The following KDR variants were observed in gnomAD, a reference collection of about 807,000 sequenced individuals.
KDR encodes vascular endothelial growth factor receptor 2.
KDR carries 43 observed loss-of-function variants against 160.9 expected under a neutral mutation model. The ratio of observed to expected loss-of-function variants is 0.27; its 90% CI spans 0.21 to 0.34. The LOEUF (loss-of-function observed/expected upper bound fraction) is 0.34, where lower values mean the gene tolerates loss of function less well. Ranked by LOEUF, KDR falls within the 10% of genes least tolerant of loss-of-function variation. KDR has a pLI of 1.00. For missense variants in KDR, 1,469 were observed against 1,666.4 expected (o/e 0.88, Z 2.06); for synonymous variants, 617 against 600.1 (o/e 1.03, Z -0.41).
In KDR at chr4:55,078,623, C is replaced by T. The variant is rs1719640731; in HGVS notation, c.*1318G>A. ...AGGCTTTAATATATTACATTTGTTTCTACATAAACAGACTATAAATATATG... is the reference window on the plus strand; with the variant it reads ...AGGCTTTAATATATTACATTTGTTTTTACATAAACAGACTATAAATATATG... On this transcript the variant is annotated 3_prime_UTR_variant, in exon 30 of 30. Coordinates refer to ENST00000263923, the MANE Select transcript of KDR (RefSeq NM_002253.4). The T allele has an allele frequency of 4.3e-6, 1 of 232,358 alleles. No homozygotes were observed. Among genetic ancestry groups the T allele is most frequent in the Admixed American group, 5.6e-5 (1 of 17,750 alleles). The allele number at this position is 232,358 out of a possible 1,614,324, so 14.4% of individuals were successfully genotyped here. A position where few individuals can be genotyped will look rare whatever the true frequency, so the allele number is the denominator to read the frequency against.
In KDR at chr4:55,125,285, G is replaced by A; in HGVS notation, c.9C>T (p.Ser3=). MQ[S]KVLLAVALWL... ...ACAGGGCGACGGCCAGCAGCACCTT[G>A]CTCTGCATCCTGCACCTCGAGCCGG... The change falls in exon 1 of 30, where the codon AGC becomes AGT. Residue 3 remains serine, a synonymous_variant. Coordinates refer to ENST00000263923, the MANE Select transcript of KDR (RefSeq NM_002253.4). 1 of 1,612,502 alleles carries A rather than the reference G, an allele frequency of 6.2e-7. No homozygotes were observed.
intron 29 of KDR, among the ~76,000 whole-genome samples, chr4:55,080,428 G>A (rs1337579482): frequency 6.6e-6 from 1 of 152,118 alleles, no homozygotes; most frequent in African/African-American, 2.4e-5. Context: ...CAGTTCTCTC[G>A]AGTTATGCAA....
chr4:55,094,717 C>CA, intron 21 of KDR, 85 bp downstream of exon 21: 1 of 1,300,188 alleles, frequency 7.7e-7, no homozygotes, highest in Non-Finnish European at 1.1e-6. Context: ...GGACTTTTCC[C>CA]ATGATCAAAT....
intron 22 of KDR, 112 bp from the exon 23 acceptor site, chr4:55,090,190 C>T: frequency 8.2e-7 from 1 of 1,225,618 alleles, no homozygotes; most frequent in Non-Finnish European, 1.2e-6. Context: ...AACTGATTAA[C>T]AAGGACTGGG....
chr4:55,106,077 T>G, intron 11 of KDR, 137 bp from the exon 12 acceptor site: 1 of 741,194 alleles, frequency 1.3e-6, no homozygotes, highest in Non-Finnish European at 2.5e-6. Context: ...CACGCTCAAA[T>G]TTATGCAATT....
chr4:55,085,794 G>T (rs1171258313), intron 27 of KDR, among the ~76,000 whole-genome samples: 1 of 152,204 alleles, frequency 6.6e-6, no homozygotes, highest in Non-Finnish European at 1.5e-5. Flanking sequence ...TGTGCTGGGA[G>T]TGTGGTGTCA....
Position 55,110,570 on chromosome 4 carries a change from T to A in KDR, c.1092-4A>T, listed in dbSNP as rs768629027. On this transcript the variant is annotated splice_polypyrimidine_tract_variant and splice_region_variant and intron_variant, in intron 8 of 29. Transcript: ENST00000263923. ...AAGGGGTATTCCATTTTTATACCTA[T>A]GAAAAAAAATTCTCAGGAATTAGTA... The A allele has an allele frequency of 6.2e-6, 10 of 1,613,604 alleles. No homozygotes were observed. Among genetic ancestry groups the A allele is most frequent in the African/African-American group, 1.3e-5 (1 of 74,860 alleles).
intron 1 of KDR, among the ~76,000 whole-genome samples, chr4:55,122,685 A>G (rs1442468867): frequency 1.3e-5 from 2 of 152,216 alleles, no homozygotes; most frequent in African/African-American, 4.8e-5. Flanking sequence ...GGTTTTTAAA[A>G]AACTGGAAAC....
At position 55,113,186 on chromosome 4, in the gene KDR, C is replaced by T. The variant is rs544207802; in HGVS notation, c.976+118G>A. 6 of 1,163,822 alleles carry T rather than the reference C, an allele frequency of 5.2e-6. No individual in the cohort carries two copies. The Admixed American group carries it at 1.1e-4, about 21-fold the overall frequency. The allele number at this position is 1,163,822 out of a possible 1,614,324, so 72.1% of individuals were successfully genotyped here. On this transcript the variant is annotated intron_variant, in intron 7 of 29. Transcript: ENST00000263923. ...CCTCTAGGTCATGTGGCCTCCCTAA[C>T]AAGAAAAACTAGAAACTATCTTCTG...
intron 6 of KDR, among the ~76,000 whole-genome samples, chr4:55,113,910 A>T (rs1720661272): frequency 6.6e-6 from 1 of 152,234 alleles, no homozygotes; most frequent in Non-Finnish European, 1.5e-5. Context: ...AGAATAGGAC[A>T]AAATTCCTGG....
intron 7 of KDR, among the ~76,000 whole-genome samples, chr4:55,113,022 A>G (rs1304276261): frequency 6.6e-6 from 1 of 152,228 alleles, no homozygotes; most frequent in South Asian, 2.1e-4. Flanking sequence ...AGCTAATACT[A>G]TTTATCATAG....
chr4:55,102,609 A>G, intron 13 of KDR, 101 bp from the exon 14 acceptor site: 1 of 1,266,968 alleles, frequency 7.9e-7, no homozygotes, highest in Non-Finnish European at 1.1e-6. Flanking sequence ...GTAAAAAGGA[A>G]CTTGTTGATA....
rs1720228274 is a variant in KDR at position 55,098,797 on chromosome 4, T to C, written c.2273A>G (p.Gln758Arg). Residue 758 changes from glutamine to arginine, a missense_variant, in exon 16 of 30, where the codon CAG becomes CGG. This residue lies in a region of KDR where 118 missense variants were observed against 110.8 expected (regional missense o/e 1.06). Coordinates refer to ENST00000263923, the MANE Select transcript of KDR (RefSeq NM_002253.4). ...AATGATTTCCAAGTTCGTCTTTTCCTGGGCACCTGGAAAGACACAATTGAA... is the reference window on the plus strand; with the variant it reads ...AATGATTTCCAAGTTCGTCTTTTCCCGGGCACCTGGAAAGACACAATTGAA... ...VEAFFIIEGAQEKTNLEIIIL... is the reference protein window; with the variant it reads ...VEAFFIIEGAREKTNLEIIIL... 1.2e-6 allele frequency: 2 copies of C among 1,606,250 alleles called. No homozygotes were observed. The highest frequency in any genetic ancestry group is 1.7e-6 in the Non-Finnish European group (2 of 1,173,134).
At chr4:55,122,738 C>T (rs532976544) in intron 1 of KDR, 10 of 152,154 alleles carry the variant, frequency 6.6e-5, no homozygotes, top group Non-Finnish European at 2.9e-5. Flanking sequence ...GGCATTGGTA[C>T]TGACTTATGT....
At position 55,115,293 on chromosome 4, in the gene KDR, C is replaced by T. The variant is rs376919634; in HGVS notation, c.477G>A (p.Val159=). 1.9e-5 allele frequency: 30 copies of T among 1,612,010 alleles called. No homozygotes were observed. In the African/African-American group the frequency reaches 3.7e-4, roughly 20 times the overall value. The change falls in exon 4 of 30, where the codon GTG becomes GTA. Residue 159 remains valine, a synonymous_variant. Coordinates refer to ENST00000263923, the MANE Select transcript of KDR (RefSeq NM_002253.4). ...AGATGCAACTTACTGCACAAAGTGA[C>T]ACGTTGAGATTTGAAATGGACCCGA... ...PCLGSISNLN[V]SLCARYPEKR...
intron 10 of KDR, 135 bp from the exon 11 acceptor site, chr4:55,106,945 C>A: frequency 1.3e-6 from 1 of 777,804 alleles, no homozygotes. Context: ...TGGTACAAGA[C>A]TTGGCGCCAA....
At chr4:55,087,166 A>C (rs56336304) in intron 27 of KDR, among the ~76,000 whole-genome samples, 1 of 152,192 alleles carries the variant, frequency 6.6e-6, no homozygotes, top group Non-Finnish European at 1.5e-5. Context: ...ACACAGACCC[A>C]TGGCTTTCTG....
intron 1 of KDR, chr4:55,122,916 T>G (rs1720929943): frequency 6.6e-6 from 1 of 152,064 alleles, no homozygotes; most frequent in Non-Finnish European, 1.5e-5. Context: ...GCACAGTACT[T>G]TGTGCGTGGA....
Position 55,082,553 on chromosome 4 carries a change from C to T in KDR, c.3745G>A (p.Val1249Ile), listed in dbSNP as rs2110005815. ...GTACTTACATCTGGGATTACTTTTACTTCTGGTTCTTCTAACGGGATATCT... is the reference window on the plus strand; with the variant it reads ...GTACTTACATCTGGGATTACTTTTATTTCTGGTTCTTCTAACGGGATATCT... ...FEDIPLEEPEVKVIPDDNQTD... is the reference protein window; with the variant it reads ...FEDIPLEEPEIKVIPDDNQTD... The change falls in exon 28 of 30, where the codon GTA becomes ATA. Residue 1249 changes from valine to isoleucine, a missense_variant. This residue lies in a region of KDR where 229 missense variants were observed against 197.8 expected (regional missense o/e 1.16). Transcript: ENST00000263923. 2 of 1,611,962 alleles carry T rather than the reference C, an allele frequency of 1.2e-6. No individual in the cohort carries two copies. The highest frequency in any genetic ancestry group is 1.7e-6 in the Non-Finnish European group (2 of 1,178,134).
Sources: allele counts gnomAD v4.1 joint callset (sites outside exome capture counted in the v4.1 genomes callset), GRCh38; gene constraint gnomAD v4.1.1; regional missense constraint gnomAD v4.1.1; transcripts MANE v1.5; gene names NCBI Gene and HGNC (gene_info 2026-07-23, HGNC 2026-07-21).